Variants in ZNF148 observed in about 807,000 individuals in gnomAD.
The protein encoded by ZNF148 is Beta-Enolase Repressor Factor-1.
A neutral mutation model predicts 67.7 loss-of-function variants in ZNF148; 7 were observed. The ratio of observed to expected loss-of-function variants is 0.10; its 90% CI spans 0.06 to 0.19. The LOEUF is 0.19. Ranked by LOEUF, ZNF148 falls within the 10% of genes least tolerant of loss-of-function variation. The pLI is 1.00. For synonymous variants in ZNF148, 333 were observed against 330.7 expected (o/e 1.01, Z -0.08); for missense variants, 583 against 947.1 (o/e 0.62, Z 5.05).
At chr3:125,239,324 C>T (rs894666989) in intron 7 of ZNF148, among the ~76,000 whole-genome samples, 1 of 152,134 alleles carries the variant, frequency 6.6e-6, no homozygotes, top group South Asian at 2.1e-4. Context: ...ACTCTTACAA[C>T]TCAATGGGAA....
At chr3:125,277,901 A>T (rs1938157757) in intron 6 of ZNF148, 92 bp from the exon 7 acceptor site, 1 of 945,298 alleles carries the variant, frequency 1.1e-6, no homozygotes, top group Non-Finnish European at 1.5e-6. Context: ...TTAGATGCCC[A>T]AATTTTGGAA....
chr3:125,313,045 C>G (rs1291314124), intron 4 of ZNF148, among the ~76,000 whole-genome samples: 1 of 152,062 alleles, frequency 6.6e-6, no homozygotes, highest in Non-Finnish European at 1.5e-5. Flanking sequence ...GATAAAATAT[C>G]TTTTAAAATT....
Position 125,290,334 on chromosome 3 carries a change from A to G in ZNF148, c.334-2106T>C, listed in dbSNP as rs530006665. On this transcript the variant is annotated intron_variant, in intron 4 of 8. Coordinates refer to ENST00000360647, the MANE Select transcript of ZNF148 (RefSeq NM_021964.3). Reference sequence around the variant, plus strand: ...CTTGCAAGTTCTAAAATATCTCTTAATTACCCTTTTTCTCATTTTCAATCT... The same window carrying G: ...CTTGCAAGTTCTAAAATATCTCTTAGTTACCCTTTTTCTCATTTTCAATCT... Among the ~76,000 whole-genome samples, 49 of 152,014 alleles carry G rather than the reference A, an allele frequency of 3.2e-4. 1 individual carries two copies. In the South Asian group the frequency reaches 0.01, roughly 32 times the overall value.
intron 1 of ZNF148, among the ~76,000 whole-genome samples, chr3:125,362,601 C>A (rs547284309): frequency 6.6e-6 from 1 of 151,330 alleles, no homozygotes; most frequent in Non-Finnish European, 1.5e-5. Context: ...GTCACCCAGG[C>A]TGGAGTGCAG....
intron 1 of ZNF148, chr3:125,344,647 T>G: frequency 1.5e-6 from 1 of 688,426 alleles, no homozygotes; most frequent in Non-Finnish European, 2.7e-6. Context: ...GCACCTCACA[T>G]GCCTCAGCCA....
intron 1 of ZNF148, among the ~76,000 whole-genome samples, chr3:125,366,120 T>C (rs1258750611): frequency 6.6e-6 from 1 of 152,224 alleles, no homozygotes; most frequent in Non-Finnish European, 1.5e-5. Context: ...TCAACAGCTA[T>C]ACACTAATGA....
intron 7 of ZNF148, among the ~76,000 whole-genome samples, chr3:125,249,424 T>C (rs879915669): frequency 2.6e-5 from 4 of 152,134 alleles, no homozygotes; most frequent in Non-Finnish European, 5.9e-5. Flanking sequence ...AAAAATGTAC[T>C]CAACATCACA....
chr3:125,364,323 C>G (rs1253524257), intron 1 of ZNF148, among the ~76,000 whole-genome samples: 3 of 152,096 alleles, frequency 2.0e-5, no homozygotes, highest in African/African-American at 4.8e-5. Flanking sequence ...AGCTTGAACC[C>G]AGAAGGCGGA....
intron 1 of ZNF148, among the ~76,000 whole-genome samples, chr3:125,372,987 AT>A (rs1183411481): frequency 6.6e-6 from 1 of 152,042 alleles, no homozygotes; most frequent in Non-Finnish European, 1.5e-5. Flanking sequence ...ATAAATAAAA[AT>A]TTTTTTAAAA....
At chr3:125,372,889 C>G (rs1559790537) in intron 1 of ZNF148, among the ~76,000 whole-genome samples, 1 of 152,004 alleles carries the variant, frequency 6.6e-6, no homozygotes, top group Non-Finnish European at 1.5e-5. Context: ...TTGCTTGAAC[C>G]CGGGAGGTGG....
At chr3:125,307,054 C>CA (rs55863917) in intron 4 of ZNF148, among the ~76,000 whole-genome samples, 108,377 of 144,308 alleles carry the variant, frequency 0.75, 40,583 homozygotes, top group Middle Eastern at 0.81. Context: ...ATAGCTATTC[C>CA]AAAAAAAAAA....
intron 7 of ZNF148, among the ~76,000 whole-genome samples, chr3:125,238,244 A>G (rs1371638467): frequency 6.6e-6 from 1 of 152,218 alleles, no homozygotes; most frequent in Non-Finnish European, 1.5e-5. Context: ...TCCTATATAA[A>G]ATCAAAAGCA....
At chr3:125,269,926 A>C (rs1937644275) in intron 7 of ZNF148, among the ~76,000 whole-genome samples, 1 of 152,082 alleles carries the variant, frequency 6.6e-6, no homozygotes, top group South Asian at 2.1e-4. Context: ...GACGTAAAAA[A>C]TGGGAACAAT....
intron 4 of ZNF148, among the ~76,000 whole-genome samples, chr3:125,301,516 T>TA (rs1939586006): frequency 6.6e-6 from 1 of 152,180 alleles, no homozygotes; most frequent in Admixed American, 6.5e-5. Context: ...CTACAGAACT[T>TA]AAATAATTTT....
intron 1 of ZNF148, among the ~76,000 whole-genome samples, chr3:125,365,863 C>T (rs1278843929): frequency 6.6e-6 from 1 of 152,166 alleles, no homozygotes; most frequent in Non-Finnish European, 1.5e-5. Context: ...TATTTCTAGT[C>T]ATCTTCCCCT....
Position 125,229,693 on chromosome 3 carries a change from G to A in ZNF148, c.*2648C>T, listed in dbSNP as rs540765651. 7.2e-4 allele frequency: 110 copies of A among 152,172 alleles called. No homozygotes were observed. Among genetic ancestry groups the A allele is most frequent in the African/African-American group, 2.4e-3 (99 of 41,510 alleles). 9.4% of individuals were successfully genotyped at this position (152,172 alleles called of 1,614,324 possible). ...ACAATGTGCTCACTTTGAGAAATGA[G>A]AAACATGAATTGCAGAAGAATATCT... is the stretch of plus-strand genomic sequence containing the variant. On this transcript the variant is annotated 3_prime_UTR_variant, in exon 9 of 9. Coordinates refer to ENST00000360647, the MANE Select transcript of ZNF148 (RefSeq NM_021964.3).
chr3:125,306,721 G>A (rs1939897477), intron 4 of ZNF148, among the ~76,000 whole-genome samples: 1 of 152,032 alleles, frequency 6.6e-6, no homozygotes, highest in Non-Finnish European at 1.5e-5. Context: ...TTAGCCTGAT[G>A]TGATGACATG....
chr3:125,366,504 A>T (rs758571454), intron 1 of ZNF148, among the ~76,000 whole-genome samples: 2 of 152,152 alleles, frequency 1.3e-5, no homozygotes, highest in Non-Finnish European at 2.9e-5. Flanking sequence ...TTAATGAGTG[A>T]CAATCAGCTT....
At position 125,306,472 on chromosome 3, in the gene ZNF148, C is replaced by T. The variant is rs574476680; in HGVS notation, c.333+6836G>A. Among the ~76,000 whole-genome samples the T allele has an allele frequency of 2.6e-5, 4 of 152,006 alleles. No individual in the cohort carries two copies. In the South Asian group the frequency reaches 8.3e-4, roughly 32 times the overall value. ...AAGAAATCACCATTGATCCTTAAAA[C>T]AACAAAAGAAAATATTAATAGAACT... On this transcript the variant is annotated intron_variant, in intron 4 of 8. Coordinates refer to ENST00000360647, the MANE Select transcript of ZNF148 (RefSeq NM_021964.3).
Sources: allele counts gnomAD v4.1 joint callset (sites outside exome capture counted in the v4.1 genomes callset), GRCh38; gene constraint gnomAD v4.1.1; transcripts MANE v1.5; gene names NCBI Gene and HGNC (gene_info 2026-07-23, HGNC 2026-07-21).